The following RBMS1 variants were observed in gnomAD, a reference collection of about 807,000 sequenced individuals.
The protein encoded by RBMS1 is RNA binding motif single stranded interacting protein 1, also known as RNA-binding motif, single-stranded-interacting protein 1.
RBMS1 carries 17 observed loss-of-function variants against 62.3 expected under a neutral mutation model. The observed-to-expected ratio is 0.27, with a 90% CI of 0.19 to 0.41. RBMS1 has a LOEUF of 0.41. RBMS1 is among the 10% of genes least tolerant of loss of function. The pLI is 1.00. For missense variants in RBMS1, 334 were observed against 504.5 expected, an observed-to-expected ratio of 0.66 and a Z score of 3.24; for synonymous variants, 172 against 170.0, an observed-to-expected ratio of 1.01 and a Z score of -0.09.
At chr2:160,407,977 CCCGCCCGCCCGCTGGGCGCGGCG>C in intron 1 of RBMS1, 1 of 937,280 alleles carries the variant, frequency 1.1e-6, no homozygotes, top group Non-Finnish European at 1.3e-6. Flanking sequence ...CCCGCGCCTC[CCCGCCCGCCCGCTGGGCGCGGCG>C]CCTGCCGCCC....
chr2:160,290,288 G>A (rs970682442), intron 6 of RBMS1, among the ~76,000 whole-genome samples: 10 of 151,430 alleles, frequency 6.6e-5, no homozygotes, highest in African/African-American at 2.4e-4. Context: ...AGACTGACAT[G>A]CAGAAAAGGA....
intron 1 of RBMS1, among the ~76,000 whole-genome samples, chr2:160,478,780 A>T (rs865897355): frequency 3.3e-5 from 5 of 152,238 alleles, no homozygotes; most frequent in Non-Finnish European, 2.9e-5. Context: ...AGCTGTGCCC[A>T]AAGGCACAAC....
intron 13 of RBMS1, chr2:160,275,336 TAGA>T (rs1161934088): frequency 9.0e-6 from 2 of 223,262 alleles, no homozygotes; most frequent in Admixed American, 1.1e-4. Context: ...ACTTGTATTA[TAGA>T]ACAATTTTGG....
At chr2:160,281,158 G>T (rs1301857187) in intron 10 of RBMS1, among the ~76,000 whole-genome samples, 156 bp downstream of exon 10, 2 of 152,096 alleles carry the variant, frequency 1.3e-5, no homozygotes, top group Non-Finnish European at 2.9e-5. Flanking sequence ...GTTTTATAAG[G>T]ATGAGAAGAA....
At chr2:160,320,811 C>T (rs1336292134) in intron 2 of RBMS1, among the ~76,000 whole-genome samples, 1 of 152,092 alleles carries the variant, frequency 6.6e-6, no homozygotes, top group Non-Finnish European at 1.5e-5. Context: ...AACTACCTAG[C>T]ATAAGTATTC....
At chr2:160,303,068 C>G (rs1170934834) in intron 5 of RBMS1, among the ~76,000 whole-genome samples, 1 of 152,196 alleles carries the variant, frequency 6.6e-6, no homozygotes, top group Non-Finnish European at 1.5e-5. Flanking sequence ...TAAGGACACA[C>G]ACACGTTCAG....
intron 1 of RBMS1, among the ~76,000 whole-genome samples, chr2:160,472,757 C>A (rs1684972648): frequency 6.6e-6 from 1 of 152,138 alleles, no homozygotes; most frequent in African/African-American, 2.4e-5. Context: ...CATTCTTTGA[C>A]AGTCACAGAA....
intron 2 of RBMS1, among the ~76,000 whole-genome samples, chr2:160,325,093 T>C (rs1690849864): frequency 6.6e-6 from 1 of 151,780 alleles, no homozygotes; most frequent in Admixed American, 6.6e-5. Context: ...AATGTTTGCT[T>C]TGGAGTTTAA....
intron 3 of RBMS1, among the ~76,000 whole-genome samples, 166 bp downstream of exon 3, chr2:160,318,003 G>C (rs1463024948): frequency 6.6e-6 from 1 of 152,120 alleles, no homozygotes; most frequent in Non-Finnish European, 1.5e-5. Context: ...CCCAACCAGG[G>C]ACAAATGTAA....
intron 4 of RBMS1, among the ~76,000 whole-genome samples, chr2:160,305,634 G>T (rs1274984694): frequency 6.6e-6 from 1 of 152,156 alleles, no homozygotes; most frequent in Admixed American, 6.6e-5. Context: ...GGGGAAACAG[G>T]AGGAAGAAGA....
At chr2:160,461,588 G>A (rs1261290269) in intron 1 of RBMS1, among the ~76,000 whole-genome samples, 1 of 152,214 alleles carries the variant, frequency 6.6e-6, no homozygotes, top group Non-Finnish European at 1.5e-5. Flanking sequence ...CCAGCTTCGG[G>A]AGCGCTATAG....
At chr2:160,382,887 T>C (rs1198424466) in intron 1 of RBMS1, among the ~76,000 whole-genome samples, 2 of 152,116 alleles carry the variant, frequency 1.3e-5, no homozygotes, top group Non-Finnish European at 2.9e-5. Context: ...ATGCATTTCA[T>C]CTCTTTAAAA....
intron 2 of RBMS1, among the ~76,000 whole-genome samples, chr2:160,338,376 T>A (rs1190016933): frequency 1.3e-5 from 2 of 152,176 alleles, no homozygotes; most frequent in Non-Finnish European, 2.9e-5. Flanking sequence ...AGTTGGAGTT[T>A]GTTGATTGCA....
Position 160,329,502 on chromosome 2 carries a change from T to C in RBMS1, c.252-11275A>G, listed in dbSNP as rs552169320. 2.4e-4 allele frequency among the ~76,000 whole-genome samples: 37 copies of C among 152,294 alleles called. No individual in the cohort carries two copies. In the South Asian group the frequency reaches 6.6e-3, roughly 27 times the overall value. On this transcript the variant is annotated intron_variant, in intron 2 of 13. Transcript: ENST00000348849. ...TACTGCAGATAAAGATGAGCAATCA[T>C]TGCGGAGGTAGGATAGTACGGCTCC...
intron 2 of RBMS1, among the ~76,000 whole-genome samples, chr2:160,358,457 A>G (rs1026467346): frequency 2.6e-5 from 4 of 152,192 alleles, no homozygotes; most frequent in Admixed American, 2.6e-4. Context: ...TCATCCTATT[A>G]TGCTAGCAAT....
intron 2 of RBMS1, among the ~76,000 whole-genome samples, chr2:160,344,425 T>A: frequency 6.6e-6 from 1 of 152,192 alleles, no homozygotes; most frequent in East Asian, 1.9e-4. Flanking sequence ...CCATTCCCTA[T>A]CTATGATGTT....
At chr2:160,279,307 GA>G (rs1668515428) in intron 10 of RBMS1, 1 of 150,914 alleles carries the variant, frequency 6.6e-6, no homozygotes, top group Non-Finnish European at 1.5e-5. Context: ...TATTTAATTT[GA>G]AAAAATGTTA....
At chr2:160,350,204 G>A (rs745885886) in intron 2 of RBMS1, among the ~76,000 whole-genome samples, 6 of 151,994 alleles carry the variant, frequency 3.9e-5, no homozygotes, top group Admixed American at 1.3e-4. Context: ...GCAGCACTCC[G>A]AGGACCCTGC....
At chr2:160,403,700 T>A (rs1695548516) in intron 1 of RBMS1, among the ~76,000 whole-genome samples, 2 of 152,014 alleles carry the variant, frequency 1.3e-5, no homozygotes, top group Middle Eastern at 3.4e-3. Flanking sequence ...GCAGAAAAAT[T>A]TTGCATTCAC....
Sources: allele counts gnomAD v4.1 joint callset (sites outside exome capture counted in the v4.1 genomes callset), GRCh38; gene constraint gnomAD v4.1.1; transcripts MANE v1.5; gene names NCBI Gene and HGNC (gene_info 2026-07-23, HGNC 2026-07-21).